The following COG5 variants were observed in gnomAD, a reference collection of about 807,000 sequenced individuals.
COG5 encodes component of oligomeric golgi complex 5, also known as conserved oligomeric Golgi complex subunit 5.
Under a neutral mutation model 110.4 loss-of-function variants are expected in COG5, and 86 were observed. The observed-to-expected ratio is 0.78, with a 90% confidence interval of 0.65 to 0.93. The LOEUF (loss-of-function observed/expected upper bound fraction) is 0.93, where lower values mean the gene tolerates loss of function less well. COG5 is among the 40% of genes least tolerant of loss of function. The probability of loss-of-function intolerance (pLI) is 0.00; values close to 1 mark genes in which losing one functional copy is unlikely to be tolerated. For synonymous variants in COG5, 360 were observed against 334.6 expected, an observed-to-expected ratio of 1.08 and a Z score of -0.83; for missense variants, 1,077 against 987.0, an observed-to-expected ratio of 1.09 and a Z score of -1.22.
intron 10 of COG5, among the ~76,000 whole-genome samples, chr7:107,324,742 T>C (rs1246160689): frequency 6.6e-6 from 1 of 152,194 alleles, no homozygotes; most frequent in Admixed American, 6.5e-5. Flanking sequence ...CTCTGCCACA[T>C]AATAGCTGGT....
intron 7 of COG5, among the ~76,000 whole-genome samples, chr7:107,406,062 C>T (rs953871740): frequency 1.3e-5 from 2 of 152,076 alleles, no homozygotes; most frequent in Non-Finnish European, 2.9e-5. Flanking sequence ...AACAGAGGAG[C>T]CAAATTGTAC....
intron 14 of COG5, among the ~76,000 whole-genome samples, chr7:107,278,868 C>A (rs952126939): frequency 6.6e-6 from 1 of 151,898 alleles, no homozygotes; most frequent in South Asian, 2.1e-4. Flanking sequence ...ATTCAGGACA[C>A]AGGCATGGGC....
At chr7:107,280,084 C>T (rs141539656) in intron 14 of COG5, among the ~76,000 whole-genome samples, 1 of 152,088 alleles carries the variant, frequency 6.6e-6, no homozygotes, top group East Asian at 1.9e-4. Context: ...AGATATAACA[C>T]TGAATTTTAT....
chr7:107,381,701 C>T (rs1376307054), intron 7 of COG5, among the ~76,000 whole-genome samples: 3 of 152,148 alleles, frequency 2.0e-5, no homozygotes, highest in Non-Finnish European at 4.4e-5. Context: ...TCACGAAGAG[C>T]TAAAATGTTC....
chr7:107,463,510 G>GT (rs1316771450), intron 6 of COG5, among the ~76,000 whole-genome samples: 1 of 152,180 alleles, frequency 6.6e-6, no homozygotes, highest in African/African-American at 2.4e-5. Flanking sequence ...CTCTAAATCT[G>GT]TAAGTATTCA....
chr7:107,560,612 CA>C (rs1803697892), intron 1 of COG5, among the ~76,000 whole-genome samples: 1 of 152,150 alleles, frequency 6.6e-6, no homozygotes, highest in Non-Finnish European at 1.5e-5. Flanking sequence ...ATTTACCTAA[CA>C]ACATAGTAAA....
At chr7:107,217,179 T>C (rs1404953515) in intron 19 of COG5, among the ~76,000 whole-genome samples, 4 of 151,650 alleles carry the variant, frequency 2.6e-5, no homozygotes, top group African/African-American at 4.8e-5. Flanking sequence ...CAAGAAGAAA[T>C]AGAAAACAGA....
chr7:107,310,918 CA>C (rs1808175476), intron 11 of COG5, among the ~76,000 whole-genome samples: 2 of 151,082 alleles, frequency 1.3e-5, no homozygotes, highest in South Asian at 4.2e-4. Flanking sequence ...GTTCTCAGCA[CA>C]TATGTAAAAA....
At chr7:107,384,312 G>T (rs1815377595) in intron 7 of COG5, among the ~76,000 whole-genome samples, 1 of 152,090 alleles carries the variant, frequency 6.6e-6, no homozygotes. Context: ...CTTCTTTAGA[G>T]GGGGGAATGA....
chr7:107,561,550 T>C (rs775037747), intron 1 of COG5, among the ~76,000 whole-genome samples: 1 of 152,222 alleles, frequency 6.6e-6, no homozygotes, highest in Admixed American at 6.5e-5. Context: ...AAAGTGTCCA[T>C]TTGTCGTATG....
chr7:107,404,173 G>T (rs1312624918), intron 7 of COG5, among the ~76,000 whole-genome samples: 1 of 152,040 alleles, frequency 6.6e-6, no homozygotes, highest in Admixed American at 6.5e-5. Context: ...CTTTTACAAT[G>T]AACTGATATT....
At chr7:107,389,815 T>C (rs1268168688) in intron 7 of COG5, among the ~76,000 whole-genome samples, 4 of 152,194 alleles carry the variant, frequency 2.6e-5, no homozygotes, top group African/African-American at 7.2e-5. Flanking sequence ...AGACACTTTA[T>C]GACACCTGGG....
intron 6 of COG5, among the ~76,000 whole-genome samples, chr7:107,483,706 TA>T (rs573563571): frequency 8.4e-3 from 1,072 of 127,990 alleles, no homozygotes; most frequent in Admixed American, 9.6e-3. Flanking sequence ...AAACTGCATC[TA>T]AAAAAAAAAA....
chr7:107,523,288 A>T (rs1800463572), intron 6 of COG5, among the ~76,000 whole-genome samples: 1 of 151,882 alleles, frequency 6.6e-6, no homozygotes, highest in South Asian at 2.1e-4. Flanking sequence ...GGTATTTTTG[A>T]ATTTCAATTT....
In COG5 at chr7:107,518,187, C is replaced by T. The variant is rs142131367; in HGVS notation, c.538+9050G>A. Among the ~76,000 whole-genome samples, 432 of 152,256 alleles carry T rather than the reference C, an allele frequency of 2.8e-3. 2 individuals carry two copies. The highest frequency in any genetic ancestry group is 6.8e-3 in the Middle Eastern group (2 of 294). Reference sequence around the variant, plus strand: ...TAAATATGGAAAGGAAAAACCAGTACCAGCCACTGCAAAAGCATACCAAAA... The same window carrying T: ...TAAATATGGAAAGGAAAAACCAGTATCAGCCACTGCAAAAGCATACCAAAA... On this transcript the variant is annotated intron_variant, in intron 6 of 21. Transcript: ENST00000297135.
chr7:107,282,486 A>G (rs975059731), intron 13 of COG5, among the ~76,000 whole-genome samples: 20 of 152,210 alleles, frequency 1.3e-4, no homozygotes, highest in African/African-American at 4.8e-4. Flanking sequence ...CGTTTGCAGC[A>G]AAAGATATGC....
intron 6 of COG5, among the ~76,000 whole-genome samples, chr7:107,468,760 A>C (rs910755519): frequency 2.0e-5 from 3 of 152,146 alleles, no homozygotes; most frequent in Non-Finnish European, 4.4e-5. Context: ...ATTGCAAATA[A>C]AAACCAGTAT....
At chr7:107,387,724 A>T (rs926425361) in intron 7 of COG5, among the ~76,000 whole-genome samples, 1 of 152,186 alleles carries the variant, frequency 6.6e-6, no homozygotes, top group Non-Finnish European at 1.5e-5. Context: ...ACATAACTCA[A>T]TCACTCGATC....
rs1801740749 is a variant in COG5 at position 107,242,718 on chromosome 7, C to CA, written c.1853+5677dup. 2.0e-5 allele frequency among the ~76,000 whole-genome samples: 3 copies of CA among 152,360 alleles called. No homozygotes were observed. In the South Asian group the frequency reaches 6.2e-4, roughly 32 times the overall value. On this transcript the variant is annotated intron_variant, in intron 17 of 21. Coordinates refer to ENST00000297135, the MANE Select transcript of COG5 (RefSeq NM_006348.5). ...CCACAGGTCCCCCTGCCTCTTACCC[C>CA]ACTGCTTGTCACCAGGAGAACCCCT... is the stretch of plus-strand genomic sequence containing the variant.
Sources: allele counts gnomAD v4.1 joint callset (sites outside exome capture counted in the v4.1 genomes callset), GRCh38; gene constraint gnomAD v4.1.1; transcripts MANE v1.5; gene names NCBI Gene and HGNC (gene_info 2026-07-23, HGNC 2026-07-21).